ZDHHC14: variants seen among roughly 807,000 people sequenced by gnomAD.
The protein encoded by ZDHHC14 is zDHHC palmitoyltransferase 14.
ZDHHC14 carries 16 observed loss-of-function variants against 47.7 expected under a neutral mutation model. The observed-to-expected ratio is 0.34, with a 90% confidence interval of 0.23 to 0.51. The LOEUF (loss-of-function observed/expected upper bound fraction) is 0.51, where lower values mean the gene tolerates loss of function less well. Among genes scored for constraint, ZDHHC14 ranks in the 20% least tolerant of loss-of-function variants. ZDHHC14 has a pLI of 0.97. For missense variants in ZDHHC14, 515 were observed against 662.5 expected (o/e 0.78, Z 2.44); for synonymous variants, 293 against 278.9 (o/e 1.05, Z -0.50).
chr6:157,449,760 G>A (rs902824124), intron 1 of ZDHHC14, among the ~76,000 whole-genome samples: 3 of 152,118 alleles, frequency 2.0e-5, no homozygotes, highest in African/African-American at 7.2e-5. Flanking sequence ...AAAGGCTGCC[G>A]GAATTCCTTC....
At chr6:157,492,208 C>CCCCCA (rs1554261217) in intron 1 of ZDHHC14, among the ~76,000 whole-genome samples, 1 of 146,912 alleles carries the variant, frequency 6.8e-6, no homozygotes, top group African/African-American at 2.5e-5. Flanking sequence ...CCGCCCCCGC[C>CCCCCA]CCCCAGCCAC....
intron 1 of ZDHHC14, among the ~76,000 whole-genome samples, chr6:157,392,758 C>T (rs1221458381): frequency 5.9e-5 from 9 of 152,122 alleles, no homozygotes; most frequent in African/African-American, 1.4e-4. Flanking sequence ...ACCTCCTTGT[C>T]ACTTCATAGC....
intron 3 of ZDHHC14, among the ~76,000 whole-genome samples, chr6:157,604,704 C>T (rs1410634934): frequency 2.6e-5 from 4 of 152,112 alleles, no homozygotes; most frequent in Admixed American, 6.6e-5. Context: ...TCACCACACC[C>T]GGCTAATTTT....
At chr6:157,608,222 A>G (rs1455155720) in intron 3 of ZDHHC14, among the ~76,000 whole-genome samples, 2 of 152,170 alleles carry the variant, frequency 1.3e-5, no homozygotes, top group African/African-American at 4.8e-5. Context: ...CCAGAGCGAG[A>G]AGCACGTCAT....
chr6:157,554,051 C>T (rs1451269060), intron 2 of ZDHHC14, among the ~76,000 whole-genome samples: 1 of 152,208 alleles, frequency 6.6e-6, no homozygotes, highest in Non-Finnish European at 1.5e-5. Context: ...AAGCGAACAC[C>T]ATTTATTCAG....
chr6:157,473,447 G>A (rs371483682), intron 1 of ZDHHC14, among the ~76,000 whole-genome samples: 4 of 152,166 alleles, frequency 2.6e-5, no homozygotes, highest in Non-Finnish European at 4.4e-5. Context: ...TTCACTTAAC[G>A]TAATGTCCTC....
At chr6:157,496,472 G>A (rs554200696) in intron 1 of ZDHHC14, among the ~76,000 whole-genome samples, 15 of 152,332 alleles carry the variant, frequency 9.8e-5, no homozygotes, top group Non-Finnish European at 1.5e-4. Flanking sequence ...TGGGACATTG[G>A]TTCTTTACAG....
At chr6:157,645,189 A>G (rs549961406) in intron 5 of ZDHHC14, among the ~76,000 whole-genome samples, 19 of 151,984 alleles carry the variant, frequency 1.3e-4, no homozygotes, top group Admixed American at 4.6e-4. Flanking sequence ...CCTTCTCTGT[A>G]AGCAGAGAAG....
chr6:157,651,231 G>A (rs2114989286), intron 7 of ZDHHC14, among the ~76,000 whole-genome samples: 1 of 152,350 alleles, frequency 6.6e-6, no homozygotes, highest in Admixed American at 6.5e-5. Context: ...CCCGAGGCTG[G>A]GGAGAACCCT....
At chr6:157,645,602 A>G (rs1777491055) in intron 5 of ZDHHC14, 135 bp from the exon 6 acceptor site, 2 of 650,888 alleles carry the variant, frequency 3.1e-6, no homozygotes. Context: ...AGCAGGAAGC[A>G]AGGCAAGGCC....
intron 1 of ZDHHC14, among the ~76,000 whole-genome samples, chr6:157,451,039 G>A (rs1352081124): frequency 1.4e-5 from 2 of 146,874 alleles, no homozygotes; most frequent in Non-Finnish European, 1.5e-5. Context: ...TGTCTGTGGA[G>A]GCTGATTGTG....
intron 1 of ZDHHC14, among the ~76,000 whole-genome samples, chr6:157,528,375 T>G (rs1781233719): frequency 1.3e-5 from 2 of 152,182 alleles, no homozygotes; most frequent in African/African-American, 4.8e-5. Context: ...TAGATGAATA[T>G]ACTTGGAAAA....
intron 1 of ZDHHC14, among the ~76,000 whole-genome samples, chr6:157,383,340 C>T (rs1008765497): frequency 1.3e-5 from 2 of 152,152 alleles, no homozygotes; most frequent in South Asian, 2.1e-4. Flanking sequence ...TTGGGCTTCC[C>T]AAATCCTGGT....
chr6:157,457,173 TAAA>T (rs5881213), intron 1 of ZDHHC14, among the ~76,000 whole-genome samples: 21 of 121,258 alleles, frequency 1.7e-4, no homozygotes, highest in Admixed American at 4.2e-4. Context: ...AAACTCCATC[TAAA>T]AAAAAAAAAA....
At chr6:157,672,661 G>A in intron 8 of ZDHHC14, 63 bp from the exon 9 acceptor site, 1 of 517,222 alleles carries the variant, frequency 1.9e-6, no homozygotes, top group East Asian at 7.4e-5. Context: ...CCCCATCCCT[G>A]TCCCTCCCCA....
At chr6:157,395,828 A>T (rs1310270127) in intron 1 of ZDHHC14, among the ~76,000 whole-genome samples, 1 of 152,026 alleles carries the variant, frequency 6.6e-6, no homozygotes, top group African/African-American at 2.4e-5. Context: ...TTCTTACTGT[A>T]CTGTGTCTGT....
At chr6:157,538,660 T>C (rs760172426) in intron 1 of ZDHHC14, among the ~76,000 whole-genome samples, 1 of 152,146 alleles carries the variant, frequency 6.6e-6, no homozygotes, top group Non-Finnish European at 1.5e-5. Flanking sequence ...AATAGCCACA[T>C]GTCCAAGGAG....
chr6:157,560,592 GT>G (rs1257538900), intron 2 of ZDHHC14, among the ~76,000 whole-genome samples: 1 of 151,996 alleles, frequency 6.6e-6, no homozygotes, highest in East Asian at 1.9e-4. Context: ...AGTAATTTTA[GT>G]TTTTTTCTCT....
intron 1 of ZDHHC14, among the ~76,000 whole-genome samples, chr6:157,519,602 G>A (rs1158949340): frequency 6.6e-6 from 1 of 152,182 alleles, no homozygotes; most frequent in African/African-American, 2.4e-5. Context: ...TCCACTGAAG[G>A]TTCAGAATGT....
Sources: allele counts gnomAD v4.1 joint callset (sites outside exome capture counted in the v4.1 genomes callset), GRCh38; gene constraint gnomAD v4.1.1; transcripts MANE v1.5; gene names NCBI Gene and HGNC (gene_info 2026-07-23, HGNC 2026-07-21).